The following LMF1 variants were observed in gnomAD, a reference collection of about 807,000 sequenced individuals.
The protein encoded by LMF1 is lipase maturation factor 1, also known as transmembrane protein 112.
In LMF1, 68 loss-of-function variants were observed where a neutral mutation model predicts 60.6. That is an observed-to-expected ratio of 1.12 (90% CI 0.92 to 1.37). The LOEUF is 1.37. Ranked by LOEUF, LMF1 falls within the 40% of genes most tolerant of loss-of-function variation. The probability of loss-of-function intolerance (pLI) is 0.00; values close to 1 mark genes in which losing one functional copy is unlikely to be tolerated. For missense variants in LMF1, 948 were observed against 767.2 expected (o/e 1.24, Z -2.78); for synonymous variants, 418 against 324.7 (o/e 1.29, Z -3.09).
chr16:896,632 G>A (rs886382615), intron 4 of LMF1, among the ~76,000 whole-genome samples: 1 of 152,188 alleles, frequency 6.6e-6, no homozygotes, highest in Non-Finnish European at 1.5e-5. Context: ...CACACCCAGG[G>A]GAGCTGCTGC....
At position 860,025 on chromosome 16, in the gene LMF1, CCTGAGCTTA is replaced by C. The variant is rs573200614; in HGVS notation, c.1530-5328_1530-5320del. Among the ~76,000 whole-genome samples the C allele has an allele frequency of 2.8e-3, 419 of 151,628 alleles. 10 individuals are homozygous for C. The highest frequency in any genetic ancestry group is 9.8e-3 in the African/African-American group (400 of 40,952). ...TGCTTCTCTAATGACAGGCATTTCTCCTGAGCTTATCTGTCATCTGTGCACCTTCTTTGG... is the reference window on the plus strand; with the variant it reads ...TGCTTCTCTAATGACAGGCATTTCTCTCTGTCATCTGTGCACCTTCTTTGG... On this transcript the variant is annotated intron_variant, in intron 10 of 10. Transcript: ENST00000262301.
rs533634824 is a variant in LMF1, at chr16:930,993, C to T, written c.514+3251G>A. Among the ~76,000 whole-genome samples, 12 of 152,096 alleles carry T rather than the reference C, an allele frequency of 7.9e-5. No homozygotes were observed. The South Asian group carries it at 1.0e-3, about 13-fold the overall frequency. On this transcript the variant is annotated intron_variant, in intron 3 of 10. Coordinates refer to ENST00000262301, the MANE Select transcript of LMF1 (RefSeq NM_022773.4). ...AAAATTAGCCGGGCGTGGTGGCGGG[C>T]GCCTGTAATCCCAGCTACTCGGGAG...
At chr16:970,758 G>C in intron 1 of LMF1, 30 bp downstream of exon 1, 1 of 1,501,148 alleles carries the variant, frequency 6.7e-7, no homozygotes, top group Non-Finnish European at 8.9e-7. Flanking sequence ...GGTGACACTG[G>C]CGGATGTCCC....
chr16:909,676 G>C (rs371790449), intron 4 of LMF1, among the ~76,000 whole-genome samples: 38 of 152,176 alleles, frequency 2.5e-4, no homozygotes, highest in Non-Finnish European at 5.1e-4. Flanking sequence ...TCCTGAGTCC[G>C]TGGCCAGTGC....
chr16:905,409 G>A (rs1438987779), intron 4 of LMF1, among the ~76,000 whole-genome samples: 1 of 152,204 alleles, frequency 6.6e-6, no homozygotes, highest in Non-Finnish European at 1.5e-5. Context: ...GGTGACTTCT[G>A]CACTGCCGTT....
chr16:918,910 G>A (rs1036322783), intron 3 of LMF1, among the ~76,000 whole-genome samples: 1 of 138,276 alleles, frequency 7.2e-6, no homozygotes, highest in East Asian at 1.9e-4. Flanking sequence ...CAGTCCTGGG[G>A]TGGGCGCCTG....
chr16:940,053 A>G (rs2151794043), intron 2 of LMF1, among the ~76,000 whole-genome samples: 1 of 152,266 alleles, frequency 6.6e-6, no homozygotes, highest in Non-Finnish European at 1.5e-5. Flanking sequence ...ACCAAAGGGG[A>G]GGAGGCAAAG....
In LMF1 at chr16:854,170, T is replaced by C; in HGVS notation, c.*362A>G. ...CTAGAGACCCCAAGAGCTACCTGGCTGGGTCTATGGTCAGGGCTGTAGTGG... is the reference window on the plus strand; with the variant it reads ...CTAGAGACCCCAAGAGCTACCTGGCCGGGTCTATGGTCAGGGCTGTAGTGG... On this transcript the variant is annotated 3_prime_UTR_variant, in exon 11 of 11. Coordinates refer to ENST00000262301, the MANE Select transcript of LMF1 (RefSeq NM_022773.4). The C allele has an allele frequency of 2.0e-6, 1 of 496,894 alleles. No homozygotes were observed. Among genetic ancestry groups the C allele is most frequent in the Non-Finnish European group, 3.9e-6 (1 of 255,602 alleles). 30.8% of individuals were successfully genotyped at this position (496,894 alleles called of 1,614,324 possible).
intron 10 of LMF1, among the ~76,000 whole-genome samples, chr16:856,753 C>T (rs1202780264): frequency 2.0e-5 from 3 of 152,254 alleles, no homozygotes; most frequent in African/African-American, 7.2e-5. Context: ...TTCATTCCTG[C>T]AGACAAAGTA....
At chr16:923,861 T>C (rs1434146962) in intron 3 of LMF1, among the ~76,000 whole-genome samples, 1 of 152,148 alleles carries the variant, frequency 6.6e-6, no homozygotes, top group African/African-American at 2.4e-5. Context: ...AAAAAACTGA[T>C]GGATTGTCCA....
At chr16:885,991 A>G (rs1056003111) in intron 5 of LMF1, among the ~76,000 whole-genome samples, 1 of 152,240 alleles carries the variant, frequency 6.6e-6, no homozygotes, top group Non-Finnish European at 1.5e-5. Context: ...GACTCAAGGC[A>G]TATCAAGTAT....
At chr16:948,715 C>G (rs2072327336) in intron 2 of LMF1, among the ~76,000 whole-genome samples, 1 of 112,400 alleles carries the variant, frequency 8.9e-6, no homozygotes, top group African/African-American at 3.7e-5. Flanking sequence ...GAGACAACGA[C>G]AGAGTCAGCC....
intron 4 of LMF1, among the ~76,000 whole-genome samples, chr16:896,325 G>A (rs559320007): frequency 2.5e-4 from 38 of 152,376 alleles, no homozygotes; most frequent in Non-Finnish European, 4.7e-4. Context: ...GCGGGGCCAT[G>A]TCTGGGTCCG....
chr16:857,526 G>A (rs1432637525), intron 10 of LMF1, among the ~76,000 whole-genome samples: 1 of 109,704 alleles, frequency 9.1e-6, no homozygotes, highest in African/African-American at 4.1e-5. Context: ...GGTGTGAGTG[G>A]TGTCACGGGA....
chr16:887,242 G>A (rs1480775320), intron 5 of LMF1: 1 of 152,384 alleles, frequency 6.6e-6, no homozygotes, highest in East Asian at 1.9e-4. Flanking sequence ...AGGATAGAAG[G>A]TTGTGTTGAG....
At chr16:978,059 C>T (rs2073214580) in intron 1 of LMF1, among the ~76,000 whole-genome samples, 1 of 145,582 alleles carries the variant, frequency 6.9e-6, no homozygotes, top group South Asian at 2.2e-4. Context: ...CACAAACACA[C>T]CCACACCCTG....
intron 5 of LMF1, among the ~76,000 whole-genome samples, chr16:890,746 C>G (rs1476172307): frequency 6.6e-6 from 1 of 152,246 alleles, no homozygotes. Flanking sequence ...GCAGTCCACT[C>G]TGACTTCATC....
chr16:971,039 C>A (rs1282633373), upstream of LMF1: 6 of 821,246 alleles, frequency 7.3e-6, no homozygotes, highest in African/African-American at 5.8e-5. Flanking sequence ...CGCCCATTCT[C>A]GGAGGCCCCG....
chr16:937,375 A>G (rs1370195158), intron 2 of LMF1, among the ~76,000 whole-genome samples: 1 of 152,088 alleles, frequency 6.6e-6, no homozygotes, highest in East Asian at 1.9e-4. Context: ...TGGGACGTAG[A>G]TTTTGCTTTT....
Sources: allele counts gnomAD v4.1 joint callset (sites outside exome capture counted in the v4.1 genomes callset), GRCh38; gene constraint gnomAD v4.1.1; transcripts MANE v1.5; gene names NCBI Gene and HGNC (gene_info 2026-07-23, HGNC 2026-07-21).